SPPL2A: variants seen among roughly 807,000 people sequenced by gnomAD.
SPPL2A encodes the protein signal peptide peptidase like 2A, also known as signal peptide peptidase-like 2A.
SPPL2A carries 51 observed loss-of-function variants against 63.8 expected under a neutral mutation model. That is an observed-to-expected ratio of 0.80 (90% CI 0.64 to 1.01). SPPL2A has a LOEUF of 1.01. SPPL2A is among the 50% of genes least tolerant of loss of function. The pLI, the probability that SPPL2A is intolerant of heterozygous loss-of-function variation, is 0.00. For missense variants in SPPL2A, 553 were observed against 622.7 expected, an observed-to-expected ratio of 0.89 and a Z score of 1.19; for synonymous variants, 188 against 205.8, an observed-to-expected ratio of 0.91 and a Z score of 0.74.
At chr15:50,715,529 T>G (rs1404770603) in intron 14 of SPPL2A, among the ~76,000 whole-genome samples, 1 of 151,938 alleles carries the variant, frequency 6.6e-6, no homozygotes, top group African/African-American at 2.4e-5. Context: ...ATTCAACTAT[T>G]TCCAGTATGA....
intron 10 of SPPL2A, among the ~76,000 whole-genome samples, chr15:50,727,961 G>A (rs1490413542): frequency 6.6e-6 from 1 of 152,084 alleles, no homozygotes; most frequent in Non-Finnish European, 1.5e-5. Flanking sequence ...GATAGAAATA[G>A]GAAGACGAAA....
At chr15:50,745,987 G>C (rs1239624124) in intron 5 of SPPL2A, among the ~76,000 whole-genome samples, 8 of 151,812 alleles carry the variant, frequency 5.3e-5, no homozygotes. Context: ...GGAGGCAGAG[G>C]TTGCAGTGAG....
chr15:50,729,609 A>G (rs2062715072), intron 10 of SPPL2A, among the ~76,000 whole-genome samples: 1 of 152,174 alleles, frequency 6.6e-6, no homozygotes, highest in Non-Finnish European at 1.5e-5. Flanking sequence ...CGGCAGACCG[A>G]GACCCAGTCT....
intron 10 of SPPL2A, among the ~76,000 whole-genome samples, chr15:50,727,502 C>G (rs2062695643): frequency 1.3e-5 from 2 of 152,164 alleles, no homozygotes; most frequent in South Asian, 2.1e-4. Context: ...GGTTCACTTT[C>G]TAATTGTTAT....
chr15:50,741,152 T>C (rs2062816825), intron 5 of SPPL2A, among the ~76,000 whole-genome samples: 1 of 152,148 alleles, frequency 6.6e-6, no homozygotes, highest in African/African-American at 2.4e-5. Context: ...ATCTCTCTTG[T>C]CGACCTTACT....
At chr15:50,757,988 A>AT (rs34845562) in intron 1 of SPPL2A, among the ~76,000 whole-genome samples, 20,525 of 125,876 alleles carry the variant, frequency 0.16, 2,046 homozygotes, top group East Asian at 0.46. Context: ...CGTCTCAATT[A>AT]TAAAAAAAAA....
intron 14 of SPPL2A, among the ~76,000 whole-genome samples, chr15:50,713,759 CAA>C (rs2062578817): frequency 6.6e-6 from 1 of 151,992 alleles, no homozygotes; most frequent in African/African-American, 2.4e-5. Context: ...AACAAAAACC[CAA>C]AGTTTTCATA....
At position 50,732,654 on chromosome 15, in the gene SPPL2A, C is replaced by T. The variant is rs547579691; in HGVS notation, c.963G>A (p.Gly321=). The change falls in exon 9 of 15, where the codon GGG becomes GGA. Residue 321 remains glycine (G), a synonymous_variant. Transcript: ENST00000261854. ...TAATTAAATTCAGACAGAAAGCAAT[C>T]CCCAAGATATCCTGTAAAATCCAAG... ...RWAWILQDIL[G]IAFCLNLIKT... is the part of the protein sequence containing the mutation. 4.6e-5 allele frequency: 74 copies of T among 1,611,184 alleles called. No individual in the cohort carries two copies. In the African/African-American group the frequency reaches 5.1e-4, roughly 11 times the overall value.
chr15:50,708,765 G>A (rs2062533868), intron 14 of SPPL2A, among the ~76,000 whole-genome samples: 1 of 151,876 alleles, frequency 6.6e-6, no homozygotes, highest in Admixed American at 6.6e-5. Flanking sequence ...TGGGCACGGT[G>A]GCTCATGCCT....
chr15:50,760,151 G>T (rs1196145210), intron 1 of SPPL2A, among the ~76,000 whole-genome samples: 5 of 152,202 alleles, frequency 3.3e-5, no homozygotes, highest in Non-Finnish European at 1.5e-5. Context: ...TCTGGATCAG[G>T]TGCCAGTTGG....
chr15:50,757,496 A>G (rs966773385), intron 1 of SPPL2A, among the ~76,000 whole-genome samples: 4 of 152,034 alleles, frequency 2.6e-5, no homozygotes, highest in Admixed American at 2.6e-4. Context: ...TCTTCCTTTT[A>G]CAGGCCAATT....
chr15:50,738,800 A>G (rs2062795164), intron 6 of SPPL2A, among the ~76,000 whole-genome samples: 1 of 152,146 alleles, frequency 6.6e-6, no homozygotes, highest in East Asian at 1.9e-4. Flanking sequence ...ACAAGCCATT[A>G]TAGTTCCTGC....
intron 1 of SPPL2A, among the ~76,000 whole-genome samples, chr15:50,761,195 A>C (rs532359964): frequency 6.6e-6 from 1 of 152,212 alleles, no homozygotes; most frequent in South Asian, 2.1e-4. Context: ...TTTTTTGTAG[A>C]GGTGGGGTCT....
rs1464622136 is a variant in SPPL2A at position 50,703,751 on chromosome 15, C to A, written c.*4049G>T. The A allele has an allele frequency of 6.6e-6, 1 of 152,056 alleles. No individual in the cohort carries two copies. The highest frequency in any genetic ancestry group is 1.5e-5 in the Non-Finnish European group (1 of 68,026). The allele number at this position is 152,056 out of a possible 1,614,324, so 9.4% of individuals were successfully genotyped here. A position where few individuals can be genotyped will look rare whatever the true frequency, so the allele number is the denominator to read the frequency against. On this transcript the variant is annotated 3_prime_UTR_variant, in exon 15 of 15. Coordinates refer to ENST00000261854, the MANE Select transcript of SPPL2A (RefSeq NM_032802.4). ...GAATGGATACCCCATTCTCCATGAT[C>A]CGCTTATTTCACATTGCATACCTGT...
At chr15:50,760,687 A>G (rs2063002466) in intron 1 of SPPL2A, among the ~76,000 whole-genome samples, 1 of 152,042 alleles carries the variant, frequency 6.6e-6, no homozygotes, top group African/African-American at 2.4e-5. Flanking sequence ...TGGCTTCACC[A>G]TATGAATTTG....
At position 50,765,570 on chromosome 15, in the gene SPPL2A, G is replaced by T. The variant is rs1447582669; in HGVS notation, c.-37C>A. On this transcript the variant is annotated 5_prime_UTR_variant, in exon 1 of 15. Coordinates refer to ENST00000261854, the MANE Select transcript of SPPL2A (RefSeq NM_032802.4). The stretch of plus-strand genomic sequence containing the variant: ...GTGCCGGGTGGGACGGCACGGTGCG[G>T]CGCAGCTCACTCGGCGGGGTAGGCT... The T allele has an allele frequency of 1.7e-5, 23 of 1,357,672 alleles. No individual in the cohort carries two copies. The highest frequency in any genetic ancestry group is 2.1e-5 in the Non-Finnish European group (22 of 1,051,690). 84.1% of individuals were successfully genotyped at this position (1,357,672 alleles called of 1,614,324 possible). A position where few individuals can be genotyped will look rare whatever the true frequency, so the allele number is the denominator to read the frequency against.
chr15:50,731,039 A>C lies in SPPL2A; in HGVS notation c.1015T>G (p.Ser339Ala). ...AGAAGGCCTAGAAGTATCACACATG[A>C]CTGTCAAAGAAAGAAACAAAATTAA... The part of the protein sequence containing the change: ...IKTLKLPNFK[S>A]CVILLGLLLL... Residue 339 changes from serine (S) to alanine (A), a missense_variant and splice_region_variant, in exon 10 of 15, where the codon TCA becomes GCA. By Grantham distance (99) the Ser-to-Ala change is moderately conservative. Coordinates refer to ENST00000261854, the MANE Select transcript of SPPL2A (RefSeq NM_032802.4). The C allele has an allele frequency of 7.0e-7, 1 of 1,434,746 alleles. No individual in the cohort carries two copies. The highest frequency in any genetic ancestry group is 9.7e-7 in the Non-Finnish European group (1 of 1,025,802). The allele number at this position is 1,434,746 out of a possible 1,614,324, so 88.9% of individuals were successfully genotyped here.
In SPPL2A at chr15:50,765,628, G is replaced by A; in HGVS notation, c.-95C>T. The A allele has an allele frequency of 2.4e-6, 2 of 844,312 alleles. No homozygotes were observed. Among genetic ancestry groups the A allele is most frequent in the Middle Eastern group, 4.0e-4 (1 of 2,510 alleles). 52.3% of individuals were successfully genotyped at this position (844,312 alleles called of 1,614,324 possible). On this transcript the variant is annotated 5_prime_UTR_variant, in exon 1 of 15. Coordinates refer to ENST00000261854, the MANE Select transcript of SPPL2A (RefSeq NM_032802.4). Reference sequence around the variant, plus strand: ...CCGCCGCTGCGCTGCCTCCGTGGCCGGACCGGACCGGACAGGCGCGGGCGG... The same window carrying A: ...CCGCCGCTGCGCTGCCTCCGTGGCCAGACCGGACCGGACAGGCGCGGGCGG...
At chr15:50,764,099 T>C (rs1429219352) in intron 1 of SPPL2A, among the ~76,000 whole-genome samples, 7 of 152,234 alleles carry the variant, frequency 4.6e-5, no homozygotes, top group Admixed American at 4.6e-4. Context: ...GGAACTGATG[T>C]ATCACTAAGC....
Sources: gnomAD v4.1 joint callset for allele counts (sites outside exome capture counted in the v4.1 genomes callset) on GRCh38, gnomAD v4.1.1 for gene constraint, MANE v1.5 for transcripts, NCBI Gene and HGNC (gene_info 2026-07-23, HGNC 2026-07-21) for gene names.